Variants in ZYG11A observed in about 807,000 individuals in gnomAD.
The protein encoded by ZYG11A is protein zyg-11 homolog A.
Under a neutral mutation model 77.2 loss-of-function variants are expected in ZYG11A, and 62 were observed. That is an observed-to-expected ratio of 0.80 (90% CI 0.65 to 0.99). The LOEUF (loss-of-function observed/expected upper bound fraction) is 0.99, where lower values mean the gene tolerates loss of function less well. Among genes scored for constraint, ZYG11A ranks in the 50% least tolerant of loss-of-function variants. The probability of loss-of-function intolerance (pLI) is 0.00; values close to 1 mark genes in which losing one functional copy is unlikely to be tolerated. For synonymous variants in ZYG11A, 315 were observed against 324.6 expected (o/e 0.97, Z 0.32); for missense variants, 828 against 896.8 (o/e 0.92, Z 0.98).
At chr1:52,885,709 T>G in intron 11 of ZYG11A, 124 bp from the exon 12 acceptor site, 1 of 665,348 alleles carries the variant, frequency 1.5e-6, no homozygotes, top group Admixed American at 3.1e-5. Context: ...ATAATCGTTA[T>G]GTGATTGATA....
intron 8 of ZYG11A, among the ~76,000 whole-genome samples, chr1:52,876,375 A>G (rs981950071): frequency 6.6e-6 from 1 of 152,172 alleles, no homozygotes; most frequent in Non-Finnish European, 1.5e-5. Flanking sequence ...AACATATCCC[A>G]GGAACATAAA....
intron 12 of ZYG11A, 75 bp from the exon 13 acceptor site, chr1:52,886,881 A>G (rs1231754265): frequency 8.6e-6 from 5 of 584,272 alleles, no homozygotes; most frequent in Admixed American, 8.3e-5. Context: ...TTAATTATAT[A>G]GTACAAATTA....
intron 1 of ZYG11A, among the ~76,000 whole-genome samples, chr1:52,849,221 C>T (rs963715997): frequency 2.6e-5 from 4 of 151,012 alleles, no homozygotes; most frequent in African/African-American, 9.7e-5. Flanking sequence ...AGGCGCGTGC[C>T]ACCACGCCCA....
chr1:52,873,290 G>A (rs931639939), intron 8 of ZYG11A, among the ~76,000 whole-genome samples: 1 of 152,210 alleles, frequency 6.6e-6, no homozygotes. Context: ...TCCAGTCTGG[G>A]TGACAGAGAA....
In ZYG11A at chr1:52,892,902, T is replaced by TCAGAATGCATTTCATGATC; in HGVS notation, c.2242_2243insTCCAGAATGCATTTCATGA (p.Asn748IlefsTer40). ...ATTGCAGCCTCCATTCTGGATGACT[T>TCAGAATGCATTTCATGATC]CAGAATGCATTTCATGAATTATCAG... On this transcript the variant is annotated frameshift_variant, in exon 14 of 14. Transcript: ENST00000371528. LOFTEE classifies it low-confidence loss of function (END_TRUNC). The TCAGAATGCATTTCATGATC allele has an allele frequency of 6.4e-7, 1 of 1,551,842 alleles. No homozygotes were observed. The highest frequency in any genetic ancestry group is 2.4e-5 in the East Asian group (1 of 40,922).
chr1:52,870,291 T>C (rs1276789525), intron 8 of ZYG11A, among the ~76,000 whole-genome samples: 1 of 143,170 alleles, frequency 7.0e-6, no homozygotes, highest in Non-Finnish European at 1.5e-5. Flanking sequence ...GCTCCTCACA[T>C]CCCAGACAAT....
chr1:52,880,946 A>G (rs1367863006), intron 10 of ZYG11A, among the ~76,000 whole-genome samples: 1 of 152,210 alleles, frequency 6.6e-6, no homozygotes, highest in South Asian at 2.1e-4. Flanking sequence ...TCATAAATGC[A>G]TGTTGTTTTA....
At position 52,894,361 on chromosome 1, in the gene ZYG11A, C is replaced by T. The variant is rs1004354913; in HGVS notation, c.*1404C>T. 2.6e-4 allele frequency: 40 copies of T among 152,134 alleles called. No homozygotes were observed. Among genetic ancestry groups the T allele is most frequent in the African/African-American group, 8.0e-4 (33 of 41,424 alleles). The allele number at this position is 152,134 out of a possible 1,614,324, so 9.4% of individuals were successfully genotyped here. ...GAGAGTTCACGGAGTTTTCTTACCC[C>T]GCATGCTGACTAAAGAAAACATGGG... On this transcript the variant is annotated 3_prime_UTR_variant, in exon 14 of 14. Transcript: ENST00000371528.
chr1:52,870,233 C>T (rs867727940), intron 8 of ZYG11A, among the ~76,000 whole-genome samples: 14 of 138,672 alleles, frequency 1.0e-4, no homozygotes, highest in African/African-American at 3.5e-4. Context: ...GGATGGCGGC[C>T]GGGCAGAGAC....
chr1:52,872,916 AAG>A (rs1158346655), intron 8 of ZYG11A, among the ~76,000 whole-genome samples: 2 of 151,562 alleles, frequency 1.3e-5, no homozygotes, highest in African/African-American at 4.9e-5. Flanking sequence ...AAAAGAAAGA[AAG>A]AAAAAAGAAA....
intron 12 of ZYG11A, 119 bp downstream of exon 12, chr1:52,886,013 A>G (rs1461039453): frequency 1.5e-6 from 1 of 683,904 alleles, no homozygotes; most frequent in Non-Finnish European, 2.3e-6. Flanking sequence ...GCTCACTGCA[A>G]GCTCCACCTC....
rs200890867 is a variant in ZYG11A at position 52,842,903 on chromosome 1, C to G, written c.20C>G (p.Pro7Arg). 6.5e-7 allele frequency: 1 copy of G among 1,531,348 alleles called. No individual in the cohort carries two copies. Among genetic ancestry groups the G allele is most frequent in the South Asian group, 1.2e-5 (1 of 81,682 alleles). The allele number at this position is 1,531,348 out of a possible 1,614,324, so 94.9% of individuals were successfully genotyped here. Reference protein sequence around the residue: MVHFLHPGHTPRNIVPP... With the variant: MVHFLHRGHTPRNIVPP... Reference sequence around the variant, plus strand: ...GTTGCCATGGTTCATTTCTTGCACCCGGGCCACACGCCCCGGAACATCGTC... The same window carrying G: ...GTTGCCATGGTTCATTTCTTGCACCGGGGCCACACGCCCCGGAACATCGTC... Residue 7 changes from proline (P) to arginine (R), a missense_variant, in exon 1 of 14, where the codon CCG (proline) becomes CGG (arginine). By Grantham distance (103) the Pro-to-Arg change is moderately radical. Coordinates refer to ENST00000371528, the MANE Select transcript of ZYG11A (RefSeq NM_001004339.3).
rs536057901 is a variant in ZYG11A at position 52,893,850 on chromosome 1, C to T, written c.*893C>T. ...TTTTTGTGACGGAATCTCGCTCTGT[C>T]GCCCAGGCTGGAGTGCAGTGGCACA... On this transcript the variant is annotated 3_prime_UTR_variant, in exon 14 of 14. Transcript: ENST00000371528. 20 of 120,190 alleles carry T rather than the reference C, an allele frequency of 1.7e-4. 1 individual carries two copies. The highest frequency in any genetic ancestry group is 2.9e-4 in the African/African-American group (9 of 30,810). The allele number at this position is 120,190 out of a possible 1,614,324, so 7.4% of individuals were successfully genotyped here.
chr1:52,852,368 A>ATT (rs35540943), intron 1 of ZYG11A, among the ~76,000 whole-genome samples: 25 of 134,126 alleles, frequency 1.9e-4, no homozygotes, highest in Non-Finnish European at 3.4e-4. Flanking sequence ...TTTAGAGCAA[A>ATT]TTTTTTTTTT....
Position 52,871,694 on chromosome 1 carries a change from G to T in ZYG11A, c.1542+3917G>T, listed in dbSNP as rs575563799. On this transcript the variant is annotated intron_variant, in intron 8 of 13. Transcript: ENST00000371528. Reference sequence around the variant, plus strand: ...GGGTTTTACCATTTTGTTCAGCCTGGTCACTAACTTTATCAATACTTAAAT... The same window carrying T: ...GGGTTTTACCATTTTGTTCAGCCTGTTCACTAACTTTATCAATACTTAAAT... Among the ~76,000 whole-genome samples, 39 of 152,140 alleles carry T rather than the reference G, an allele frequency of 2.6e-4. No individual in the cohort carries two copies. The South Asian group carries it at 5.0e-3, about 19-fold the overall frequency.
intron 12 of ZYG11A, among the ~76,000 whole-genome samples, chr1:52,886,740 G>C (rs1366289998): frequency 7.1e-6 from 1 of 140,786 alleles, no homozygotes; most frequent in African/African-American, 2.7e-5. Context: ...AGAGACGGGG[G>C]CTCACCTTGT....
chr1:52,876,983 T>C (rs951239423), intron 8 of ZYG11A, among the ~76,000 whole-genome samples: 2 of 152,312 alleles, frequency 1.3e-5, no homozygotes, highest in African/African-American at 4.8e-5. Context: ...TCTGTTTAAG[T>C]GAACCAGTGG....
At chr1:52,879,531 G>C (rs1282941613) in intron 10 of ZYG11A, among the ~76,000 whole-genome samples, 1 of 152,024 alleles carries the variant, frequency 6.6e-6, no homozygotes, top group Non-Finnish European at 1.5e-5. Flanking sequence ...GTATAAAGAA[G>C]GGACAAAGTC....
At chr1:52,847,005 G>T (rs1645599594) in intron 1 of ZYG11A, among the ~76,000 whole-genome samples, 1 of 151,120 alleles carries the variant, frequency 6.6e-6, no homozygotes, top group Non-Finnish European at 1.5e-5. Flanking sequence ...ACGCCGCCAC[G>T]CCTGGCTAAT....
Sources: gnomAD v4.1 joint callset for allele counts (sites outside exome capture counted in the v4.1 genomes callset) on GRCh38, gnomAD v4.1.1 for gene constraint, MANE v1.5 for transcripts, NCBI Gene and HGNC (gene_info 2026-07-23, HGNC 2026-07-21) for gene names.